BICD1: variants seen among roughly 807,000 people sequenced by gnomAD.
BICD1 encodes the protein BICD cargo adaptor 1.
A neutral mutation model predicts 92.5 loss-of-function variants in BICD1; 35 were observed. The observed-to-expected ratio is 0.38, with a 90% CI of 0.29 to 0.50. The LOEUF (loss-of-function observed/expected upper bound fraction) is 0.50. BICD1 is among the 20% of genes least tolerant of loss of function. The pLI is 0.93. For synonymous variants in BICD1, 429 were observed against 465.1 expected (o/e 0.92, Z 1.00); for missense variants, 950 against 1,189.8 (o/e 0.80, Z 2.97).
chr12:32,336,484 G>T (rs962681436), intron 6 of BICD1, among the ~76,000 whole-genome samples: 55 of 152,262 alleles, frequency 3.6e-4, no homozygotes, highest in African/African-American at 1.3e-3. Flanking sequence ...CTGTCATCTG[G>T]TTGAGAAATC....
intron 1 of BICD1, among the ~76,000 whole-genome samples, chr12:32,156,419 T>G (rs139268387): frequency 1.3e-5 from 2 of 152,178 alleles, no homozygotes; most frequent in Non-Finnish European, 2.9e-5. Flanking sequence ...TAAAGAGATA[T>G]AGCCGAGGGC....
intron 9 of BICD1, among the ~76,000 whole-genome samples, chr12:32,374,910 CTTTTTTTT>C (rs1185628924): frequency 6.2e-4 from 31 of 49,634 alleles, no homozygotes; most frequent in East Asian, 2.3e-3. Flanking sequence ...ATTTATTTTC[CTTTTTTTT>C]TTTTTTTTTT....
chr12:32,247,501 G>A (rs938419434), intron 2 of BICD1, among the ~76,000 whole-genome samples: 3 of 151,974 alleles, frequency 2.0e-5, no homozygotes, highest in African/African-American at 4.8e-5. Context: ...CTGTTGGGCC[G>A]GGCATGGTGG....
chr12:32,208,948 C>A (rs1325683923), intron 1 of BICD1, among the ~76,000 whole-genome samples: 1 of 152,106 alleles, frequency 6.6e-6, no homozygotes, highest in Non-Finnish European at 1.5e-5. Flanking sequence ...GATTCTCCTG[C>A]CTCAGCCTTC....
chr12:32,245,238 G>GT (rs1440012459), intron 2 of BICD1, among the ~76,000 whole-genome samples: 11 of 123,388 alleles, frequency 8.9e-5, no homozygotes, highest in East Asian at 6.9e-4. Context: ...AAAGAGCTTA[G>GT]TTTTGTTTTT....
intron 2 of BICD1, among the ~76,000 whole-genome samples, chr12:32,242,597 T>G (rs917229656): frequency 3.9e-5 from 6 of 152,214 alleles, no homozygotes; most frequent in African/African-American, 1.2e-4. Flanking sequence ...CTTACAAGTT[T>G]ATTACCTAAA....
At chr12:32,332,137 C>T (rs189707616) in intron 5 of BICD1, among the ~76,000 whole-genome samples, 3 of 152,184 alleles carry the variant, frequency 2.0e-5, no homozygotes, top group East Asian at 1.9e-4. Flanking sequence ...AACCAGATAC[C>T]GCATGTTCTC....
chr12:32,273,295 G>A (rs1373237395), intron 2 of BICD1, among the ~76,000 whole-genome samples: 3 of 152,190 alleles, frequency 2.0e-5, no homozygotes, highest in Non-Finnish European at 4.4e-5. Flanking sequence ...AATTGGAGTA[G>A]TGACACAGAG....
rs754053760 is a variant in BICD1 at position 32,328,083 on chromosome 12, T to C, written c.1628T>C (p.Val543Ala). The change falls in exon 5 of 10, where the codon GTC (valine) becomes GCC (alanine). Residue 543 changes from valine (V) to alanine (A), a missense_variant. By Grantham distance (64) the Val-to-Ala change is moderately conservative. This residue lies in a region of BICD1 where 309 missense variants were observed against 499.4 expected (regional missense o/e 0.62). Transcript: ENST00000652176. The surrounding 1 kb of genome is among the most constrained non-coding windows in gnomAD (Gnocchi z 4.4). ...CTGGATTACTATAGGCAGAGCAGAG[T>C]CACCCGCAGTGGCAGCCTGAAAGGG... is the stretch of plus-strand genomic sequence containing the variant. ...VMLDYYRQSRVTRSGSLKGPD... is the reference protein window; with the variant it reads ...VMLDYYRQSRATRSGSLKGPD... 13 of 1,613,980 alleles carry C rather than the reference T, an allele frequency of 8.1e-6. No individual in the cohort carries two copies. Among genetic ancestry groups the C allele is most frequent in the Non-Finnish European group, 1.1e-5 (13 of 1,179,982 alleles).
chr12:32,176,575 T>A (rs1944095398), intron 1 of BICD1, among the ~76,000 whole-genome samples: 1 of 152,242 alleles, frequency 6.6e-6, no homozygotes, highest in African/African-American at 2.4e-5. Flanking sequence ...CCCTCAGATT[T>A]TGATTTCTAT....
chr12:32,337,745 C>G lies in BICD1; in HGVS notation c.2499C>G (p.Asp833Glu). Reference protein sequence around the residue: ...GEASVTVPTIDTYLLHSQGPQ... With the variant: ...GEASVTVPTIETYLLHSQGPQ... ...CATCAGTCACCGTGCCCACCATAGACACTTACCTCCTGCATAGTCAGGGCC... is the reference window on the plus strand; with the variant it reads ...CATCAGTCACCGTGCCCACCATAGAGACTTACCTCCTGCATAGTCAGGGCC... Residue 833 changes from aspartate to glutamate, a missense_variant, in exon 7 of 10, where the codon GAC (aspartate) becomes GAG (glutamate). Physicochemically the swap from Asp to Glu is conservative, Grantham distance 45 (BLOSUM62 2). This residue lies in a region of BICD1 where 179 missense variants were observed against 186.7 expected (regional missense o/e 0.96). Transcript: ENST00000652176. This position sits in a 1 kb window ranked among gnomAD's most constrained non-coding sequence, Gnocchi z 4.7. 4 of 1,614,146 alleles carry G rather than the reference C, an allele frequency of 2.5e-6. No individual in the cohort carries two copies. Among genetic ancestry groups the G allele is most frequent in the Non-Finnish European group, 3.4e-6 (4 of 1,180,028 alleles).
intron 2 of BICD1, among the ~76,000 whole-genome samples, chr12:32,238,429 T>C (rs911150956): frequency 2.6e-5 from 4 of 152,212 alleles, no homozygotes; most frequent in Non-Finnish European, 5.9e-5. Flanking sequence ...AGGGAATCTA[T>C]TCCTGGAGAA....
chr12:32,301,955 C>A (rs570882147), intron 3 of BICD1, among the ~76,000 whole-genome samples: 76 of 152,220 alleles, frequency 5.0e-4, no homozygotes, highest in African/African-American at 1.8e-3. Context: ...GGCGCGATCT[C>A]GGCTCACTGC....
intron 1 of BICD1, among the ~76,000 whole-genome samples, chr12:32,140,677 T>A (rs1402735902): frequency 2.0e-5 from 3 of 152,184 alleles, no homozygotes; most frequent in Non-Finnish European, 4.4e-5. Context: ...CGTATTTGAT[T>A]CTGTGTTTAC....
intron 1 of BICD1, among the ~76,000 whole-genome samples, chr12:32,176,029 A>G (rs960608227): frequency 1.3e-5 from 2 of 152,188 alleles, no homozygotes; most frequent in Non-Finnish European, 2.9e-5. Context: ...TAATGTTTTC[A>G]AGGTTCATCT....
intron 3 of BICD1, among the ~76,000 whole-genome samples, chr12:32,299,699 A>T (rs1035440989): frequency 6.6e-6 from 1 of 151,904 alleles, no homozygotes; most frequent in East Asian, 1.9e-4. Flanking sequence ...CTACAAAAAA[A>T]CAATTTAAAA....
At chr12:32,240,986 T>C (rs1946221022) in intron 2 of BICD1, among the ~76,000 whole-genome samples, 1 of 152,204 alleles carries the variant, frequency 6.6e-6, no homozygotes, top group Non-Finnish European at 1.5e-5. Context: ...TTACCCTTCC[T>C]GCCTGGGGCC....
intron 7 of BICD1, chr12:32,338,162 A>T (rs1825632411): frequency 4.3e-6 from 1 of 230,410 alleles, no homozygotes; most frequent in Admixed American, 5.0e-5. Context: ...TTAAGAATGA[A>T]GCTGTGTTCT....
At chr12:32,290,301 C>T (rs1213118022) in intron 2 of BICD1, among the ~76,000 whole-genome samples, 1 of 152,192 alleles carries the variant, frequency 6.6e-6, no homozygotes, top group Non-Finnish European at 1.5e-5. Context: ...CTGGGGAACT[C>T]CTTACAAGCT....
Sources: allele counts gnomAD v4.1 joint callset (sites outside exome capture counted in the v4.1 genomes callset), GRCh38; gene constraint gnomAD v4.1.1; regional missense constraint gnomAD v4.1.1; non-coding constraint Gnocchi (gnomAD v3.1); transcripts MANE v1.5; gene names NCBI Gene and HGNC (gene_info 2026-07-23, HGNC 2026-07-21).